Variants in GPHN observed in about 807,000 individuals in gnomAD.
GPHN encodes gephyrin.
Under a neutral mutation model 95.5 loss-of-function variants are expected in GPHN, and 17 were observed. The ratio of observed to expected loss-of-function variants is 0.18; its 90% CI spans 0.12 to 0.27. The LOEUF (loss-of-function observed/expected upper bound fraction) is 0.27. Ranked by LOEUF, GPHN falls within the 10% of genes least tolerant of loss-of-function variation. GPHN has a pLI of 1.00. For missense variants in GPHN, 660 were observed against 978.1 expected, an observed-to-expected ratio of 0.67 and a Z score of 4.34; for synonymous variants, 320 against 322.5, an observed-to-expected ratio of 0.99 and a Z score of 0.08.
chr14:66,994,103 C>T (rs1016975681), intron 9 of GPHN, among the ~76,000 whole-genome samples: 2 of 152,126 alleles, frequency 1.3e-5, no homozygotes, highest in East Asian at 1.9e-4. Context: ...CAGTGGCTCA[C>T]GCCTGTAATT....
intron 1 of GPHN, among the ~76,000 whole-genome samples, chr14:66,525,502 TC>T (rs1264430214): frequency 6.6e-6 from 1 of 152,244 alleles, no homozygotes; most frequent in Non-Finnish European, 1.5e-5. Context: ...TTTAATTAGA[TC>T]CCATTTGTCA....
chr14:67,587,054 C>A, the GPHN span: 1 of 1,565,618 alleles, frequency 6.4e-7, no homozygotes, highest in Non-Finnish European at 8.7e-7. Context: ...AATTCCTTCA[C>A]ATCTCTGACC....
At position 66,588,032 on chromosome 14, in the gene GPHN, AG is replaced by A. The variant is rs2061494252; in HGVS notation, c.64+79442del. 2.0e-5 allele frequency among the ~76,000 whole-genome samples: 3 copies of A among 152,188 alleles called. No individual in the cohort carries two copies. In the South Asian group the frequency reaches 6.2e-4, roughly 32 times the overall value. On this transcript the variant is annotated intron_variant, in intron 1 of 22. Transcript: ENST00000478722. ...GGTGCCCCTCTGGGACGAAGCTTCC[AG>A]AGGAAGGAACAGGTAGCAATCTTTG...
chr14:66,985,049 A>G (rs1189769299), intron 9 of GPHN, among the ~76,000 whole-genome samples: 1 of 152,202 alleles, frequency 6.6e-6, no homozygotes, highest in African/African-American at 2.4e-5. Flanking sequence ...ATTTTCCAAG[A>G]GGAAAATTCA....
chr14:66,762,866 A>G (rs2058811688), intron 2 of GPHN, among the ~76,000 whole-genome samples: 1 of 152,226 alleles, frequency 6.6e-6, no homozygotes, highest in Non-Finnish European at 1.5e-5. Context: ...GGATGACTGT[A>G]TTTACCAGTG....
chr14:67,004,174 A>C (rs1050249336), intron 9 of GPHN, among the ~76,000 whole-genome samples: 9 of 151,812 alleles, frequency 5.9e-5, no homozygotes, highest in African/African-American at 2.2e-4. Flanking sequence ...TGTGCATTTT[A>C]CTTTTTACAT....
intron 13 of GPHN, among the ~76,000 whole-genome samples, chr14:67,107,950 A>G (rs1007867568): frequency 6.6e-6 from 1 of 152,152 alleles, no homozygotes; most frequent in Admixed American, 6.5e-5. Context: ...TCAGCCTGGG[A>G]TGCGTAGGTG....
At chr14:66,847,818 C>A (rs1005243603) in intron 4 of GPHN, among the ~76,000 whole-genome samples, 2 of 151,966 alleles carry the variant, frequency 1.3e-5, no homozygotes, top group African/African-American at 4.8e-5. Flanking sequence ...GTAGCAGGCA[C>A]TAATAATCAG....
chr14:66,608,033 C>G (rs1595207689), intron 1 of GPHN, among the ~76,000 whole-genome samples: 1 of 76,272 alleles, frequency 1.3e-5, no homozygotes, highest in African/African-American at 6.5e-5. Context: ...CTTTTATTAG[C>G]TTTGTGGTTT....
chr14:66,777,240 C>T (rs2059419251), intron 3 of GPHN, among the ~76,000 whole-genome samples: 1 of 152,124 alleles, frequency 6.6e-6, no homozygotes, highest in Admixed American at 6.5e-5. Flanking sequence ...GGATAAATTC[C>T]TCGACAAATA....
intron 8 of GPHN, among the ~76,000 whole-genome samples, chr14:66,946,625 G>A (rs964518984): frequency 2.0e-5 from 3 of 152,146 alleles, no homozygotes; most frequent in East Asian, 1.9e-4. Flanking sequence ...GGCTGGTCTC[G>A]AACTCCTGAC....
the GPHN span, among the ~76,000 whole-genome samples, chr14:67,272,687 C>T: frequency 3.9e-5 from 6 of 152,190 alleles, no homozygotes; most frequent in African/African-American, 1.4e-4. Context: ...GAGACAGAGT[C>T]TCGCGCTGTC....
chr14:67,033,313 C>T (rs186780465), intron 10 of GPHN, among the ~76,000 whole-genome samples: 1 of 152,160 alleles, frequency 6.6e-6, no homozygotes, highest in East Asian at 1.9e-4. Context: ...CCTGTAATCC[C>T]AACACTTTGG....
At chr14:66,870,498 G>A (rs544673765) in intron 4 of GPHN, among the ~76,000 whole-genome samples, 1 of 152,096 alleles carries the variant, frequency 6.6e-6, no homozygotes, top group South Asian at 2.1e-4. Context: ...TCAGTTGATT[G>A]AATCCACAGA....
At chr14:67,221,862 A>G in the GPHN span, 8 of 1,598,734 alleles carry the variant, frequency 5.0e-6, no homozygotes, top group Non-Finnish European at 6.8e-6. Context: ...TTCAGTAGTC[A>G]TCTCTGGTTC....
chr14:67,312,448 T>A, the GPHN span: 4 of 1,021,634 alleles, frequency 3.9e-6, no homozygotes, highest in African/African-American at 1.7e-5. Flanking sequence ...TAATAAAAAA[T>A]TTGTAGCATT....
the GPHN span, chr14:67,576,062 C>T: frequency 3.7e-6 from 5 of 1,362,508 alleles, no homozygotes; most frequent in East Asian, 2.3e-5. The surrounding 1 kb of genome is among the most constrained non-coding windows in gnomAD (Gnocchi z 4.0). Context: ...TCTGATCTTC[C>T]CTTCTCTCTT....
At chr14:67,082,889 G>A (rs1036076352) in intron 11 of GPHN, among the ~76,000 whole-genome samples, 2 of 152,074 alleles carry the variant, frequency 1.3e-5, no homozygotes, top group African/African-American at 4.8e-5. Flanking sequence ...TCATTCATCA[G>A]TTGATGGATA....
chr14:67,239,665 G>C, the GPHN span, among the ~76,000 whole-genome samples: 1 of 152,204 alleles, frequency 6.6e-6, no homozygotes, highest in African/African-American at 2.4e-5. Flanking sequence ...AGACCAGCTT[G>C]GCCAATGTGG....
Sources: gnomAD v4.1 joint callset for allele counts (sites outside exome capture counted in the v4.1 genomes callset) on GRCh38, gnomAD v4.1.1 for gene constraint, Gnocchi (gnomAD v3.1) non-coding constraint, MANE v1.5 for transcripts, NCBI Gene and HGNC (gene_info 2026-07-23, HGNC 2026-07-21) for gene names.